The following SPC25 variants were observed in gnomAD, a reference collection of about 807,000 sequenced individuals.
SPC25 encodes kinetochore protein Spc25.
SPC25 carries 22 observed loss-of-function variants against 29.6 expected under a neutral mutation model. That is an observed-to-expected ratio of 0.74 (90% confidence interval 0.53 to 1.06). The LOEUF is 1.06. Among genes scored for constraint, SPC25 ranks in the 50% least tolerant of loss-of-function variants. The pLI is 0.00. For missense variants in SPC25, 230 were observed against 255.8 expected, an observed-to-expected ratio of 0.90 and a Z score of 0.69; for synonymous variants, 91 against 90.4, an observed-to-expected ratio of 1.01 and a Z score of -0.04.
Position 168,876,156 on chromosome 2 carries a change from C to G in SPC25, c.367G>C (p.Ala123Pro). 6.4e-7 allele frequency: 1 copy of G among 1,567,010 alleles called. No homozygotes were observed. The highest frequency in any genetic ancestry group is 1.4e-5 in the African/African-American group (1 of 71,864). ...KKETISTANKANAERLKRLQK... is the reference protein window; with the variant it reads ...KKETISTANKPNAERLKRLQK... Reference sequence around the variant, plus strand: ...AGCCTTTTCAACCTCTCTGCATTCGCTTTATTAGCAGTAGAAATAGCTGAT... The same window carrying G: ...AGCCTTTTCAACCTCTCTGCATTCGGTTTATTAGCAGTAGAAATAGCTGAT... Residue 123 changes from alanine (A) to proline (P), a missense_variant, in exon 5 of 7, where the codon GCG becomes CCG. Physicochemically the swap from Ala to Pro is conservative, Grantham distance 27 (BLOSUM62 -1). Transcript: ENST00000282074.
At chr2:168,888,006 T>C (rs1690299208) in intron 3 of SPC25, among the ~76,000 whole-genome samples, 1 of 152,158 alleles carries the variant, frequency 6.6e-6, no homozygotes, top group East Asian at 1.9e-4. Context: ...AGGCCAGGCA[T>C]GGTGGCTCAC....
At chr2:168,864,906 A>G (rs1438376976) in intron 4 of SPC25, 3 of 1,613,886 alleles carry the variant, frequency 1.9e-6, no homozygotes, top group Non-Finnish European at 2.5e-6. Context: ...AAAAAAGGCC[A>G]TTTTCCTGCC....
chr2:168,870,840 A>ATTTGG (rs1206827143), downstream of SPC25: 1 of 151,518 alleles, frequency 6.6e-6, no homozygotes, highest in East Asian at 1.9e-4. Flanking sequence ...CATTTGACCC[A>ATTTGG]GCCCTCCCAT....
downstream of SPC25, among the ~76,000 whole-genome samples, chr2:168,870,626 T>A (rs1389384854): frequency 6.6e-6 from 1 of 151,538 alleles, no homozygotes; most frequent in Non-Finnish European, 1.5e-5. Context: ...TCACTGGCCA[T>A]CAGAGAAATG....
At chr2:168,868,026 A>C (rs1206947305), downstream of SPC25, among the ~76,000 whole-genome samples, 1 of 152,184 alleles carries the variant, frequency 6.6e-6, no homozygotes, top group Non-Finnish European at 1.5e-5. Flanking sequence ...AGTGCAACCA[A>C]ACTAGAACGC....
At chr2:168,865,068 T>C (rs1307635270) in intron 4 of SPC25, 4 of 1,317,968 alleles carry the variant, frequency 3.0e-6, no homozygotes, top group Non-Finnish European at 4.2e-6. Flanking sequence ...TGTTTTTCTT[T>C]TGAAATGGAT....
chr2:168,862,250 A>G (rs1279552610), intron 4 of SPC25, among the ~76,000 whole-genome samples: 1 of 152,208 alleles, frequency 6.6e-6, no homozygotes, highest in Non-Finnish European at 1.5e-5. Context: ...TGTGTCAGAC[A>G]TTGTTGCAGG....
In SPC25 at chr2:168,877,332, T is replaced by G; in HGVS notation, c.252A>C (p.Lys84Asn). The change falls in exon 4 of 7, where the codon AAA (lysine) becomes AAC (asparagine). Residue 84 changes from lysine to asparagine, a missense_variant. By Grantham distance (94) the Lys-to-Asn change is moderately conservative. Transcript: ENST00000282074. ...TTTTGCCTTTTACTTCAGCAATCAA[T>G]TTTAACAAGTTATCCTTTTTTTCTT... is the stretch of plus-strand genomic sequence containing the variant. ...LIQEKKDNLL[K>N]LIAEVKGKKQ... 1 of 1,613,880 alleles carries G rather than the reference T, an allele frequency of 6.2e-7. No individual in the cohort carries two copies. The highest frequency in any genetic ancestry group is 8.5e-7 in the Non-Finnish European group (1 of 1,179,876).
chr2:168,862,666 CAG>C (rs963731216), intron 4 of SPC25, among the ~76,000 whole-genome samples: 3 of 152,278 alleles, frequency 2.0e-5, no homozygotes, highest in East Asian at 1.9e-4. Context: ...CTTTGTGTCA[CAG>C]AGTTTTACTT....
At chr2:168,874,260 C>T (rs1225528636) in intron 5 of SPC25, among the ~76,000 whole-genome samples, 2 of 152,036 alleles carry the variant, frequency 1.3e-5, no homozygotes, top group African/African-American at 4.8e-5. Context: ...AAACTGGAAC[C>T]CTAGCACATT....
chr2:168,865,752 G>A (rs1447873910), intron 4 of SPC25, among the ~76,000 whole-genome samples: 1 of 149,236 alleles, frequency 6.7e-6, no homozygotes, highest in Non-Finnish European at 1.5e-5. Flanking sequence ...TCCTTAAGCT[G>A]ATAAGCAACT....
chr2:168,876,271 T>C (rs1353663051), intron 4 of SPC25, 95 bp from the exon 5 acceptor site: 3 of 867,938 alleles, frequency 3.5e-6, no homozygotes, highest in Non-Finnish European at 5.1e-6. Context: ...AACTATAAAA[T>C]GATGCCAAGC....
At chr2:168,863,921 T>C (rs370817862) in intron 4 of SPC25, among the ~76,000 whole-genome samples, 3 of 152,232 alleles carry the variant, frequency 2.0e-5, no homozygotes, top group African/African-American at 4.8e-5. Context: ...TTTTTTATTT[T>C]TTTTTTTGAG....
At chr2:168,880,779 A>T (rs1690165293) in intron 3 of SPC25, among the ~76,000 whole-genome samples, 1 of 152,182 alleles carries the variant, frequency 6.6e-6, no homozygotes, top group African/African-American at 2.4e-5. Flanking sequence ...GAGACTAGGG[A>T]GGCCCAAGGA....
At chr2:168,866,324 A>G (rs574710815), downstream of SPC25, among the ~76,000 whole-genome samples, 844 of 152,382 alleles carry the variant, frequency 5.5e-3, 10 homozygotes, top group African/African-American at 0.019. Context: ...ATAATCCCGC[A>G]TATCTACAAC....
At chr2:168,869,542 A>G (rs564223473), downstream of SPC25, among the ~76,000 whole-genome samples, 1 of 152,294 alleles carries the variant, frequency 6.6e-6, no homozygotes, top group South Asian at 2.1e-4. Context: ...CAAAAATCAC[A>G]AGCATTTTTA....
chr2:168,889,104 T>C lies in SPC25; in HGVS notation c.199+122A>G, dbSNP rs528687747. 1.8e-5 allele frequency: 10 copies of C among 550,802 alleles called. No individual in the cohort carries two copies. The East Asian group carries it at 1.9e-4, about 10-fold the overall frequency. The allele number at this position is 550,802 out of a possible 1,614,324, so 34.1% of individuals were successfully genotyped here. On this transcript the variant is annotated intron_variant, in intron 3 of 6. Coordinates refer to ENST00000282074, the MANE Select transcript of SPC25 (RefSeq NM_020675.4). ...ATACATATATATACACATATATATA[T>C]ACACACACACAACATATACACACTT...
downstream of SPC25, among the ~76,000 whole-genome samples, chr2:168,865,912 C>A (rs545210524): frequency 6.6e-6 from 1 of 152,396 alleles, no homozygotes; most frequent in Admixed American, 6.5e-5. Context: ...ATCCAACTTA[C>A]AAGGGATGTG....
At chr2:168,888,067 C>T (rs1168604671) in intron 3 of SPC25, among the ~76,000 whole-genome samples, 1 of 151,824 alleles carries the variant, frequency 6.6e-6, no homozygotes, top group Non-Finnish European at 1.5e-5. Context: ...CTGCTTGAGC[C>T]CAGGAGTTTA....
Sources: gnomAD v4.1 joint callset for allele counts (sites outside exome capture counted in the v4.1 genomes callset) on GRCh38, gnomAD v4.1.1 for gene constraint, MANE v1.5 for transcripts, NCBI Gene and HGNC (gene_info 2026-07-23, HGNC 2026-07-21) for gene names.